KLF12: variants seen among roughly 807,000 people sequenced by gnomAD.
The protein encoded by KLF12 is Krueppel-like factor 12.
A neutral mutation model predicts 37.8 loss-of-function variants in KLF12; 9 were observed. The observed-to-expected ratio is 0.24, with a 90% CI of 0.14 to 0.42. The LOEUF is 0.42. Among genes scored for constraint, KLF12 ranks in the 10% least tolerant of loss-of-function variants. KLF12 has a pLI of 1.00. For missense variants in KLF12, 411 were observed against 516.0 expected (o/e 0.80, Z 1.97); for synonymous variants, 208 against 202.1 (o/e 1.03, Z -0.25).
At chr13:73,772,639 CAGG>C (rs971593652) in intron 5 of KLF12, among the ~76,000 whole-genome samples, 3 of 152,132 alleles carry the variant, frequency 2.0e-5, no homozygotes, top group Admixed American at 1.3e-4. Context: ...CCTGGAGGGG[CAGG>C]AGATTACAGG....
intron 3 of KLF12, among the ~76,000 whole-genome samples, chr13:73,935,852 T>C (rs1320534731): frequency 6.6e-6 from 1 of 152,204 alleles, no homozygotes; most frequent in Non-Finnish European, 1.5e-5. Context: ...AGTCTTGAAC[T>C]CCTGCGCTCA....
chr13:74,105,347 T>A (rs575968050), intron 1 of KLF12, among the ~76,000 whole-genome samples: 1 of 152,266 alleles, frequency 6.6e-6, no homozygotes, highest in East Asian at 1.9e-4. Context: ...CTAACTTGAT[T>A]GTAGACTATT....
At chr13:73,979,980 T>C (rs1033039999) in intron 2 of KLF12, among the ~76,000 whole-genome samples, 3 of 152,114 alleles carry the variant, frequency 2.0e-5, no homozygotes, top group Non-Finnish European at 4.4e-5. Flanking sequence ...AAGACAGCCA[T>C]TTCCAAGCCA....
chr13:74,177,324 A>C, the KLF12 span, among the ~76,000 whole-genome samples: 2 of 152,164 alleles, frequency 1.3e-5, no homozygotes, highest in African/African-American at 4.8e-5. Flanking sequence ...AGAAGGTGTG[A>C]AAGTGTATGG....
chr13:73,871,483 C>T (rs933200454), intron 3 of KLF12, among the ~76,000 whole-genome samples: 2 of 152,098 alleles, frequency 1.3e-5, no homozygotes, highest in African/African-American at 2.4e-5. Context: ...GTAAACTGAG[C>T]GGGGAGAAAA....
At chr13:73,914,338 T>G (rs1888710772) in intron 3 of KLF12, among the ~76,000 whole-genome samples, 1 of 152,240 alleles carries the variant, frequency 6.6e-6, no homozygotes, top group Non-Finnish European at 1.5e-5. Context: ...CTAGGCTTGC[T>G]GCAGGCGTTC....
At chr13:73,752,520 C>A (rs1016967177) in intron 6 of KLF12, among the ~76,000 whole-genome samples, 2 of 152,266 alleles carry the variant, frequency 1.3e-5, no homozygotes, top group African/African-American at 4.8e-5. Context: ...CCACAACCAC[C>A]AGTTGCTCAC....
chr13:73,949,188 T>C (rs1251150486), intron 2 of KLF12, among the ~76,000 whole-genome samples: 2 of 152,192 alleles, frequency 1.3e-5, no homozygotes, highest in Non-Finnish European at 2.9e-5. Context: ...ATACTCTATG[T>C]ACCTACCTGT....
intron 1 of KLF12, among the ~76,000 whole-genome samples, chr13:74,126,979 T>C (rs1877974646): frequency 6.6e-6 from 1 of 152,230 alleles, no homozygotes; most frequent in Non-Finnish European, 1.5e-5. Context: ...GTATTTTATT[T>C]TGTACCTACT....
chr13:73,725,179 C>T (rs1263728977), intron 6 of KLF12, among the ~76,000 whole-genome samples: 2 of 152,198 alleles, frequency 1.3e-5, no homozygotes, highest in African/African-American at 4.8e-5. Context: ...CAGCTCACTG[C>T]AACCTCCACC....
chr13:74,144,638 G>A, the KLF12 span, among the ~76,000 whole-genome samples: 8 of 152,138 alleles, frequency 5.3e-5, no homozygotes, highest in East Asian at 5.8e-4. Context: ...AAAAAAATTC[G>A]GTGGGATCAT....
intron 2 of KLF12, among the ~76,000 whole-genome samples, chr13:73,965,334 A>G (rs1309617965): frequency 1.3e-5 from 2 of 152,250 alleles, no homozygotes; most frequent in African/African-American, 4.8e-5. Context: ...GGGGCAAAAT[A>G]TTTTAATGTC....
intron 1 of KLF12, among the ~76,000 whole-genome samples, chr13:74,083,539 C>CAA (rs1211362808): frequency 1.4e-5 from 2 of 139,118 alleles, no homozygotes; most frequent in Non-Finnish European, 3.2e-5. Context: ...CACACACACA[C>CAA]AAACATTTAA....
chr13:74,127,395 G>A (rs1438737051), intron 1 of KLF12, among the ~76,000 whole-genome samples: 16 of 152,184 alleles, frequency 1.1e-4, no homozygotes, highest in Non-Finnish European at 2.4e-4. Context: ...AAATCAACAA[G>A]CAATTAACAC....
chr13:73,951,308 T>C (rs765555170), intron 2 of KLF12, among the ~76,000 whole-genome samples: 1 of 152,230 alleles, frequency 6.6e-6, no homozygotes, highest in African/African-American at 2.4e-5. Context: ...GAGAAAGTTC[T>C]GTGGAGTTTC....
chr13:74,138,777 T>G (rs1314722252), upstream of KLF12, among the ~76,000 whole-genome samples: 1 of 152,302 alleles, frequency 6.6e-6, no homozygotes, highest in African/African-American at 2.4e-5. Flanking sequence ...CATGCACTAA[T>G]TATAACATAT....
At chr13:73,796,516 T>G (rs1881978546) in intron 5 of KLF12, among the ~76,000 whole-genome samples, 2 of 107,634 alleles carry the variant, frequency 1.9e-5, no homozygotes, top group African/African-American at 1.0e-4. Flanking sequence ...GCTGTGTGTG[T>G]GTGTGTGTGT....
intron 5 of KLF12, among the ~76,000 whole-genome samples, chr13:73,781,606 T>C (rs551582014): frequency 1.2e-4 from 19 of 152,358 alleles, no homozygotes; most frequent in Middle Eastern, 3.4e-3. Context: ...ACAGATGTTA[T>C]GCAAAATAGG....
chr13:73,746,941 A>T (rs971765628), intron 6 of KLF12, among the ~76,000 whole-genome samples: 22 of 150,620 alleles, frequency 1.5e-4, no homozygotes, highest in African/African-American at 4.4e-4. Flanking sequence ...CAGTCTCCCA[A>T]TTAGCTGAGA....
Sources: gnomAD v4.1 joint callset for allele counts (sites outside exome capture counted in the v4.1 genomes callset) on GRCh38, gnomAD v4.1.1 for gene constraint, MANE v1.5 for transcripts, NCBI Gene and HGNC (gene_info 2026-07-23, HGNC 2026-07-21) for gene names.